The following GRM7 variants were observed in gnomAD, a reference collection of about 807,000 sequenced individuals.
The protein encoded by GRM7 is metabotropic glutamate receptor 7.
A neutral mutation model predicts 84.5 loss-of-function variants in GRM7; 35 were observed. That is an observed-to-expected ratio of 0.41 (90% CI 0.32 to 0.55). GRM7 has a LOEUF of 0.55. GRM7 is among the 20% of genes least tolerant of loss of function. The probability of loss-of-function intolerance (pLI) is 0.19; values close to 1 mark genes in which losing one functional copy is unlikely to be tolerated. For missense variants in GRM7, 1,003 were observed against 1,194.6 expected, an observed-to-expected ratio of 0.84 and a Z score of 2.36; for synonymous variants, 487 against 455.1, an observed-to-expected ratio of 1.07 and a Z score of -0.89.
At chr3:7,068,226 C>T (rs1697737213) in intron 1 of GRM7, among the ~76,000 whole-genome samples, 1 of 151,084 alleles carries the variant, frequency 6.6e-6, no homozygotes, top group Non-Finnish European at 1.5e-5. Context: ...ACCAGTGGAA[C>T]AACTGAGCAA....
intron 1 of GRM7, among the ~76,000 whole-genome samples, chr3:7,079,718 A>C (rs563855482): frequency 2.8e-4 from 43 of 152,214 alleles, no homozygotes; most frequent in Admixed American, 1.7e-3. Context: ...AGCAGGGTTG[A>C]TTGAATAGGA....
At chr3:7,642,902 C>G (rs976137925) in intron 8 of GRM7, among the ~76,000 whole-genome samples, 6 of 152,082 alleles carry the variant, frequency 3.9e-5, no homozygotes, top group African/African-American at 1.4e-4. Context: ...TCTATGGTCC[C>G]TAACAATTGT....
At chr3:7,454,632 T>C (rs544563408) in intron 6 of GRM7, among the ~76,000 whole-genome samples, 2 of 152,254 alleles carry the variant, frequency 1.3e-5, no homozygotes, top group East Asian at 3.9e-4. Flanking sequence ...AGCTAATCTA[T>C]GTATATAATG....
rs113905768 is a variant in GRM7 at position 7,008,190 on chromosome 3, C to A, written c.520-138262C>A. 7.8e-3 allele frequency among the ~76,000 whole-genome samples: 1,183 copies of A among 152,120 alleles called. 18 individuals are homozygous for A. The highest frequency in any genetic ancestry group is 0.027 in the African/African-American group (1,124 of 41,460). ...GGGTCACCTAAAATGGATGAATTTT[C>A]TCATTGTGTCAATGCCTGTCTCTGA... On this transcript the variant is annotated intron_variant, in intron 1 of 9. Transcript: ENST00000357716.
At chr3:6,954,519 T>C (rs891261244) in intron 1 of GRM7, among the ~76,000 whole-genome samples, 2 of 152,292 alleles carry the variant, frequency 1.3e-5, no homozygotes, top group Admixed American at 6.5e-5. Context: ...AATCCCCTTA[T>C]AAGTTTTCAC....
At chr3:7,022,677 T>TA (rs1159496214) in intron 1 of GRM7, among the ~76,000 whole-genome samples, 2 of 151,480 alleles carry the variant, frequency 1.3e-5, no homozygotes, top group Non-Finnish European at 2.9e-5. Flanking sequence ...AATTTTTAAC[T>TA]TTTTTTTTGG....
chr3:7,191,051 A>T (rs1170888919), intron 2 of GRM7, among the ~76,000 whole-genome samples: 1 of 152,198 alleles, frequency 6.6e-6, no homozygotes, highest in Non-Finnish European at 1.5e-5. Flanking sequence ...AGGGGACAAT[A>T]ATATCAATAT....
At chr3:7,124,992 G>A (rs113717437) in intron 1 of GRM7, among the ~76,000 whole-genome samples, 2,757 of 152,194 alleles carry the variant, frequency 0.018, 85 homozygotes, top group African/African-American at 0.064. Context: ...AGGCTGGAGT[G>A]CAGTGGCGCG....
chr3:7,649,179 C>T (rs897783850), intron 8 of GRM7, among the ~76,000 whole-genome samples: 1 of 151,954 alleles, frequency 6.6e-6, no homozygotes, highest in Non-Finnish European at 1.5e-5. Context: ...ACGCCATTCT[C>T]CTGCCTCAGC....
chr3:7,519,133 A>G (rs982469998), intron 7 of GRM7, among the ~76,000 whole-genome samples: 4 of 152,142 alleles, frequency 2.6e-5, no homozygotes, highest in Admixed American at 6.5e-5. Context: ...TTCACTATAT[A>G]TTTACTGCTC....
intron 2 of GRM7, among the ~76,000 whole-genome samples, chr3:7,187,367 C>T (rs982737942): frequency 2.0e-5 from 3 of 152,146 alleles, no homozygotes; most frequent in South Asian, 2.1e-4. Context: ...ATATTATCAT[C>T]GCTTGTTTGT....
intron 2 of GRM7, among the ~76,000 whole-genome samples, chr3:7,165,460 T>G (rs184200393): frequency 6.1e-4 from 93 of 152,344 alleles, no homozygotes; most frequent in African/African-American, 2.1e-3. Context: ...TTTATGTGTA[T>G]TTTTAGTTGG....
chr3:7,348,720 A>G (rs1693000805), intron 4 of GRM7, among the ~76,000 whole-genome samples: 2 of 152,114 alleles, frequency 1.3e-5, no homozygotes, highest in African/African-American at 4.8e-5. Context: ...TCAGAGATGC[A>G]AATTATGAGG....
chr3:7,678,353 G>C (rs1445241489), intron 8 of GRM7, among the ~76,000 whole-genome samples: 1 of 152,138 alleles, frequency 6.6e-6, no homozygotes, highest in Non-Finnish European at 1.5e-5. Context: ...CATAAGCAGA[G>C]AAACAGAAAC....
chr3:7,394,493 G>A (rs1416680023), intron 4 of GRM7, among the ~76,000 whole-genome samples: 6 of 152,070 alleles, frequency 3.9e-5, no homozygotes, highest in Non-Finnish European at 8.8e-5. Flanking sequence ...TATAGTTCTC[G>A]TTGAGTGTTT....
chr3:7,172,023 C>T lies in GRM7; in HGVS notation c.736+25355C>T, dbSNP rs139889928. Among the ~76,000 whole-genome samples, 5 of 152,226 alleles carry T rather than the reference C, an allele frequency of 3.3e-5. No homozygotes were observed. The East Asian group carries it at 7.7e-4, about 23-fold the overall frequency. On this transcript the variant is annotated intron_variant, in intron 2 of 9. Transcript: ENST00000357716. ...CGCTAGAAATATGTGTGTCCGTCAG[C>T]GCTTATGTGGGAAAGGGACTTCCAT...
intron 1 of GRM7, among the ~76,000 whole-genome samples, chr3:7,057,705 G>C (rs985925109): frequency 5.9e-5 from 9 of 151,886 alleles, no homozygotes; most frequent in Non-Finnish European, 1.2e-4. Flanking sequence ...TCCAAATCTT[G>C]TTTTCCAGCT....
At chr3:7,038,780 A>C (rs919418039) in intron 1 of GRM7, among the ~76,000 whole-genome samples, 1 of 152,196 alleles carries the variant, frequency 6.6e-6, no homozygotes, top group Non-Finnish European at 1.5e-5. Context: ...GAGGCAGGTG[A>C]GACTTAGAGG....
At chr3:7,397,082 T>C (rs1208493744) in intron 4 of GRM7, among the ~76,000 whole-genome samples, 3 of 152,166 alleles carry the variant, frequency 2.0e-5, no homozygotes, top group South Asian at 4.1e-4. Flanking sequence ...AACACCATTT[T>C]ACTATGATTA....
Sources: allele counts gnomAD v4.1 joint callset (sites outside exome capture counted in the v4.1 genomes callset), GRCh38; gene constraint gnomAD v4.1.1; transcripts MANE v1.5; gene names NCBI Gene and HGNC (gene_info 2026-07-23, HGNC 2026-07-21).